Variants in ARHGAP32 observed in about 807,000 individuals in gnomAD.
ARHGAP32 encodes Rho GTPase activating protein 32.
A neutral mutation model predicts 186.5 loss-of-function variants in ARHGAP32; 51 were observed. The ratio of observed to expected loss-of-function variants is 0.27; its 90% CI spans 0.22 to 0.35. The LOEUF (loss-of-function observed/expected upper bound fraction) is 0.35, where lower values mean the gene tolerates loss of function less well. ARHGAP32 is among the 10% of genes least tolerant of loss of function. The pLI is 1.00. For missense variants in ARHGAP32, 2,186 were observed against 2,623.5 expected (o/e 0.83, Z 3.64); for synonymous variants, 950 against 964.3 (o/e 0.99, Z 0.27).
intron 11 of ARHGAP32, among the ~76,000 whole-genome samples, chr11:129,007,813 G>A (rs1020574426): frequency 3.3e-5 from 5 of 152,092 alleles, no homozygotes; most frequent in African/African-American, 4.8e-5. Flanking sequence ...CAGTCCTTGC[G>A]GCCTAGACTG....
At chr11:129,163,097 G>A (rs1198182758) in intron 2 of ARHGAP32, among the ~76,000 whole-genome samples, 3 of 152,142 alleles carry the variant, frequency 2.0e-5, no homozygotes, top group Non-Finnish European at 4.4e-5. Context: ...ATATCAAGAA[G>A]AGAATCTAAC....
intron 1 of ARHGAP32, among the ~76,000 whole-genome samples, chr11:129,166,348 G>A (rs1454905060): frequency 6.6e-6 from 1 of 151,954 alleles, no homozygotes; most frequent in African/African-American, 2.4e-5. Context: ...AGCAATATTT[G>A]AAAACAAATG....
At chr11:129,208,204 A>C (rs1944539702) in intron 1 of ARHGAP32, among the ~76,000 whole-genome samples, 1 of 152,204 alleles carries the variant, frequency 6.6e-6, no homozygotes, top group Non-Finnish European at 1.5e-5. Flanking sequence ...TCTTAGAATG[A>C]ATTCATCAGT....
At chr11:129,058,236 C>CTATATATA (rs1251998127) in intron 10 of ARHGAP32, among the ~76,000 whole-genome samples, 1 of 132,800 alleles carries the variant, frequency 7.5e-6, no homozygotes, top group Non-Finnish European at 1.7e-5. Context: ...CTCTCTCTCT[C>CTATATATA]TCTATATATA....
At chr11:128,984,582 T>A (rs1043792279) in intron 15 of ARHGAP32, among the ~76,000 whole-genome samples, 4 of 152,122 alleles carry the variant, frequency 2.6e-5, no homozygotes, top group African/African-American at 9.7e-5. Flanking sequence ...AAGTAGGAGA[T>A]ACACACACAT....
Position 128,971,035 on chromosome 11 carries a change from T to C in ARHGAP32, c.4178A>G (p.Gln1393Arg). 6.2e-7 allele frequency: 1 copy of C among 1,614,050 alleles called. No individual in the cohort carries two copies. The highest frequency in any genetic ancestry group is 8.5e-7 in the Non-Finnish European group (1 of 1,180,024). Reference protein sequence around the residue: ...AAQCPMATAVQPGLPEKVRDG... With the variant: ...AAQCPMATAVRPGLPEKVRDG... ...CCGCACTTTCTCAGGCAGGCCTGGC[T>C]GGACAGCTGTAGCCATGGGACACTG... Residue 1393 changes from glutamine (Q) to arginine (R), a missense_variant, in exon 23 of 23, where the codon CAG becomes CGG. Gln to Arg is a conservative substitution (Grantham distance 43). Transcript: ENST00000682385.
intron 1 of ARHGAP32, among the ~76,000 whole-genome samples, chr11:129,182,687 G>A (rs1944081952): frequency 6.6e-6 from 1 of 151,018 alleles, no homozygotes; most frequent in Admixed American, 6.6e-5. Context: ...TCTATTTCCA[G>A]GGCTGGAGGG....
chr11:129,276,311 GTTGTT>G (rs1945529979), intron 1 of ARHGAP32, among the ~76,000 whole-genome samples: 1 of 152,102 alleles, frequency 6.6e-6, no homozygotes, highest in Non-Finnish European at 1.5e-5. Flanking sequence ...TGTTGTTGTT[GTTGTT>G]TTGAGACAGG....
intron 1 of ARHGAP32, among the ~76,000 whole-genome samples, chr11:129,244,013 C>T (rs1037578243): frequency 6.6e-6 from 1 of 152,030 alleles, no homozygotes; most frequent in Non-Finnish European, 1.5e-5. Context: ...CCTATTATAC[C>T]TAATATAATG....
At chr11:129,127,802 CACTT>C (rs1942698258) in intron 2 of ARHGAP32, among the ~76,000 whole-genome samples, 1 of 151,942 alleles carries the variant, frequency 6.6e-6, no homozygotes, top group African/African-American at 2.4e-5. Flanking sequence ...TTATAATTAT[CACTT>C]AATTATGCTT....
At chr11:129,104,133 A>T (rs934305730) in intron 5 of ARHGAP32, among the ~76,000 whole-genome samples, 1 of 152,142 alleles carries the variant, frequency 6.6e-6, no homozygotes, top group Admixed American at 6.5e-5. Flanking sequence ...GATGAACAAA[A>T]ACTGAAGAGT....
intron 10 of ARHGAP32, among the ~76,000 whole-genome samples, chr11:129,049,177 A>G (rs1308348598): frequency 6.6e-6 from 1 of 152,204 alleles, no homozygotes; most frequent in Non-Finnish European, 1.5e-5. Flanking sequence ...AGGGAGGAAG[A>G]TAAGAAGCAG....
chr11:129,132,415 CT>C (rs1942832946), intron 2 of ARHGAP32, among the ~76,000 whole-genome samples: 1 of 151,412 alleles, frequency 6.6e-6, no homozygotes, highest in Non-Finnish European at 1.5e-5. Flanking sequence ...AAGGTTAAGG[CT>C]GCAGAAAGCC....
At chr11:129,029,547 T>C (rs960250692) in intron 11 of ARHGAP32, among the ~76,000 whole-genome samples, 2 of 152,142 alleles carry the variant, frequency 1.3e-5, no homozygotes, top group Non-Finnish European at 2.9e-5. Flanking sequence ...CTCACGCCTG[T>C]AATCCCAGCA....
At chr11:129,127,754 A>G (rs1050137238) in intron 2 of ARHGAP32, among the ~76,000 whole-genome samples, 3 of 130,994 alleles carry the variant, frequency 2.3e-5, no homozygotes, top group Admixed American at 2.3e-4. Context: ...ATTAACTGAT[A>G]TTTATTCATA....
chr11:129,010,748 A>T (rs1478324217), intron 11 of ARHGAP32, among the ~76,000 whole-genome samples: 1 of 152,236 alleles, frequency 6.6e-6, no homozygotes, highest in African/African-American at 2.4e-5. Flanking sequence ...TAACTGTGTC[A>T]AAGTAAATAT....
intron 2 of ARHGAP32, among the ~76,000 whole-genome samples, chr11:129,130,962 T>C (rs1942794346): frequency 6.6e-6 from 1 of 151,974 alleles, no homozygotes; most frequent in South Asian, 2.1e-4. Context: ...AATCAGTGAA[T>C]AAATTATGGC....
At chr11:129,058,220 C>A (rs1940337593) in intron 10 of ARHGAP32, among the ~76,000 whole-genome samples, 1 of 106,570 alleles carries the variant, frequency 9.4e-6, no homozygotes, top group Non-Finnish European at 2.0e-5. Context: ...CACACACACA[C>A]ACTCTCTCTC....
intron 5 of ARHGAP32, among the ~76,000 whole-genome samples, chr11:129,119,735 T>C (rs911864278): frequency 1.3e-5 from 2 of 152,074 alleles, no homozygotes; most frequent in East Asian, 1.9e-4. Context: ...TCTGGGAAGA[T>C]AGCACTGGAG....
Sources: allele counts gnomAD v4.1 joint callset (sites outside exome capture counted in the v4.1 genomes callset), GRCh38; gene constraint gnomAD v4.1.1; transcripts MANE v1.5; gene names NCBI Gene and HGNC (gene_info 2026-07-23, HGNC 2026-07-21).